CCDC91: variants seen among roughly 807,000 people sequenced by gnomAD.
The protein encoded by CCDC91 is coiled-coil domain containing 91.
CCDC91 carries 48 observed loss-of-function variants against 63.2 expected under a neutral mutation model. The observed-to-expected ratio is 0.76, with a 90% CI of 0.60 to 0.97. The LOEUF (loss-of-function observed/expected upper bound fraction) is 0.97. Among genes scored for constraint, CCDC91 ranks in the 50% least tolerant of loss-of-function variants. The probability of loss-of-function intolerance (pLI) is 0.00; values close to 1 mark genes in which losing one functional copy is unlikely to be tolerated. For missense variants in CCDC91, 500 were observed against 494.6 expected, an observed-to-expected ratio of 1.01 and a Z score of -0.10; for synonymous variants, 167 against 165.8, an observed-to-expected ratio of 1.01 and a Z score of -0.06.
chr12:28,306,455 A>T (rs1938738774), intron 4 of CCDC91, among the ~76,000 whole-genome samples: 1 of 152,108 alleles, frequency 6.6e-6, no homozygotes, highest in African/African-American at 2.4e-5. Flanking sequence ...ATCCTTATTC[A>T]TACATTTTCA....
At chr12:28,297,444 A>G (rs1467449278) in intron 3 of CCDC91, among the ~76,000 whole-genome samples, 2 of 151,924 alleles carry the variant, frequency 1.3e-5, no homozygotes, top group Admixed American at 6.6e-5. Flanking sequence ...AAAGGTAAAA[A>G]TGAAGAACTG....
At chr12:28,483,910 T>C (rs770066856) in intron 11 of CCDC91, 142 bp from the exon 12 acceptor site, 28 of 492,800 alleles carry the variant, frequency 5.7e-5, no homozygotes, top group East Asian at 2.0e-4. Flanking sequence ...AAAGATTCTG[T>C]AAGTTCTTAT....
chr12:28,486,484 G>A (rs1227696767), intron 12 of CCDC91, among the ~76,000 whole-genome samples: 2 of 152,064 alleles, frequency 1.3e-5, no homozygotes, highest in East Asian at 3.9e-4. Context: ...ATATAACAAA[G>A]CAAACTCATT....
intron 12 of CCDC91, among the ~76,000 whole-genome samples, chr12:28,503,921 T>C (rs1230771668): frequency 1.3e-5 from 2 of 151,038 alleles, no homozygotes; most frequent in Admixed American, 6.6e-5. Context: ...AACATCACAC[T>C]CTGGGGACTG....
intron 6 of CCDC91, among the ~76,000 whole-genome samples, chr12:28,350,845 C>T (rs1943135013): frequency 6.6e-6 from 1 of 152,176 alleles, no homozygotes; most frequent in Non-Finnish European, 1.5e-5. Context: ...AAATATCCCT[C>T]TCTTTTCTCT....
At chr12:28,509,530 C>T (rs1939133762) in intron 12 of CCDC91, among the ~76,000 whole-genome samples, 1 of 151,776 alleles carries the variant, frequency 6.6e-6, no homozygotes, top group Non-Finnish European at 1.5e-5. Context: ...TTTAATAGAG[C>T]TTATTTCTGG....
chr12:28,356,920 T>A (rs1226879112), intron 6 of CCDC91, among the ~76,000 whole-genome samples: 1 of 152,190 alleles, frequency 6.6e-6, no homozygotes, highest in African/African-American at 2.4e-5. Context: ...TTAAGATCAC[T>A]GTAATAATTC....
At chr12:28,215,539 A>G (rs1943506629) in intron 1 of CCDC91, among the ~76,000 whole-genome samples, 1 of 152,170 alleles carries the variant, frequency 6.6e-6, no homozygotes, top group African/African-American at 2.4e-5. Flanking sequence ...GGATTATCTT[A>G]CCACTGTATC....
intron 12 of CCDC91, among the ~76,000 whole-genome samples, chr12:28,540,933 T>C (rs1278836844): frequency 2.0e-5 from 3 of 152,104 alleles, no homozygotes; most frequent in Non-Finnish European, 4.4e-5. Context: ...TTGAGGCCTC[T>C]CAACAGCTAC....
Position 28,205,542 on chromosome 12 carries a change from C to G in CCDC91, c.-15+14901C>G, listed in dbSNP as rs1334639754. ...TGAACAATTTGCAAGTTGGGCAGCT[C>G]CCAGAATTACAGCAAATTCAAAGAG... On this transcript the variant is annotated intron_variant, in intron 1 of 12. Coordinates refer to ENST00000536442, the MANE Select transcript of CCDC91 (RefSeq NM_018318.5). 5.9e-5 allele frequency among the ~76,000 whole-genome samples: 9 copies of G among 152,238 alleles called. No homozygotes were observed. The East Asian group carries it at 1.7e-3, about 29-fold the overall frequency.
intron 1 of CCDC91, among the ~76,000 whole-genome samples, chr12:28,212,164 G>T (rs1943276458): frequency 6.6e-6 from 1 of 152,120 alleles, no homozygotes; most frequent in Non-Finnish European, 1.5e-5. Flanking sequence ...AGTGCTCCTG[G>T]GGGTCGTTAG....
intron 7 of CCDC91, among the ~76,000 whole-genome samples, chr12:28,379,720 T>C (rs1945172717): frequency 6.6e-6 from 1 of 152,174 alleles, no homozygotes; most frequent in Non-Finnish European, 1.5e-5. Flanking sequence ...TGTATATTAG[T>C]TCAACCATTG....
At chr12:28,534,320 T>C (rs927666768) in intron 12 of CCDC91, among the ~76,000 whole-genome samples, 4 of 152,210 alleles carry the variant, frequency 2.6e-5, no homozygotes, top group African/African-American at 9.6e-5. Flanking sequence ...ATTCTCAGTT[T>C]TAATATTTAT....
intron 1 of CCDC91, among the ~76,000 whole-genome samples, chr12:28,235,482 G>C (rs1370813955): frequency 6.6e-6 from 1 of 151,838 alleles, no homozygotes; most frequent in African/African-American, 2.4e-5. Flanking sequence ...AACTGACAAA[G>C]GATAGAATGC....
intron 6 of CCDC91, among the ~76,000 whole-genome samples, chr12:28,341,385 C>T (rs541053639): frequency 5.3e-5 from 8 of 152,112 alleles, no homozygotes; most frequent in South Asian, 2.1e-4. Context: ...CAGCACTTTC[C>T]GGCCCCCCTC....
chr12:28,429,761 A>G (rs1374103171), intron 8 of CCDC91, among the ~76,000 whole-genome samples: 3 of 152,154 alleles, frequency 2.0e-5, no homozygotes, highest in African/African-American at 7.2e-5. Context: ...GTAAAGTAAG[A>G]TGCACACATT....
intron 6 of CCDC91, among the ~76,000 whole-genome samples, chr12:28,361,214 G>T (rs892251354): frequency 6.6e-6 from 1 of 150,906 alleles, no homozygotes; most frequent in Non-Finnish European, 1.5e-5. Flanking sequence ...AAGTTTTAGG[G>T]TACATGTGCA....
chr12:28,255,663 G>T (rs1393096484), intron 1 of CCDC91: 1 of 152,098 alleles, frequency 6.6e-6, no homozygotes, highest in South Asian at 2.1e-4. Flanking sequence ...TGCTAAAATT[G>T]TGAGTAATGG....
At chr12:28,460,950 C>T (rs1403743833) in intron 11 of CCDC91, among the ~76,000 whole-genome samples, 1 of 151,850 alleles carries the variant, frequency 6.6e-6, no homozygotes, top group Non-Finnish European at 1.5e-5. Flanking sequence ...TTTTGTAATG[C>T]AAATCTCATA....
Sources: allele counts gnomAD v4.1 joint callset (sites outside exome capture counted in the v4.1 genomes callset), GRCh38; gene constraint gnomAD v4.1.1; transcripts MANE v1.5; gene names NCBI Gene and HGNC (gene_info 2026-07-23, HGNC 2026-07-21).